The following PMS1 variants were observed in gnomAD, a reference collection of about 807,000 sequenced individuals.
PMS1 encodes the protein PMS1 homolog 1, mismatch repair system component.
In PMS1, 79 loss-of-function variants were observed where a neutral mutation model predicts 93.1. That is an observed-to-expected ratio of 0.85 (90% CI 0.71 to 1.02). The LOEUF (loss-of-function observed/expected upper bound fraction) is 1.02, where lower values mean the gene tolerates loss of function less well. PMS1 is among the 50% of genes least tolerant of loss of function. The pLI is 0.00. For missense variants in PMS1, 1,064 were observed against 1,085.3 expected (o/e 0.98, Z 0.28); for synonymous variants, 335 against 363.4 (o/e 0.92, Z 0.89).
At chr2:189,804,351 G>C (rs2050151204) in intron 3 of PMS1, among the ~76,000 whole-genome samples, 1 of 152,144 alleles carries the variant, frequency 6.6e-6, no homozygotes, top group Admixed American at 6.6e-5. Context: ...AGCACTTTCT[G>C]TCCTCTAAAT....
Position 189,791,836 on chromosome 2 carries a change from TC to T in PMS1, c.28del (p.Arg10AspfsTer16). 6.2e-7 allele frequency: 1 copy of T among 1,614,052 alleles called. No individual in the cohort carries two copies. Among genetic ancestry groups the T allele is most frequent in the East Asian group, 2.2e-5 (1 of 44,874 alleles). ...TGAAACAATTGCCTGCGGCAACAGTTCGACTCCTTTCAAGTTCTCAGATCAT... is the reference window on the plus strand; with the variant it reads ...TGAAACAATTGCCTGCGGCAACAGTTGACTCCTTTCAAGTTCTCAGATCAT... Reference protein sequence around the residue: MKQLPAATVRLLSSSQIITS... With the variant: MKQLPAATVXLLSSSQIITS... On this transcript the variant is annotated frameshift_variant, in exon 2 of 13. Coordinates refer to ENST00000441310, the MANE Select transcript of PMS1 (RefSeq NM_000534.5). LOFTEE classifies it high-confidence loss of function.
intron 5 of PMS1, among the ~76,000 whole-genome samples, chr2:189,820,745 T>C (rs2051779597): frequency 6.6e-6 from 1 of 152,216 alleles, no homozygotes; most frequent in African/African-American, 2.4e-5. Flanking sequence ...TCAGAGCAAC[T>C]AATGGAATTG....
chr2:189,791,764 T>C, intron 1 of PMS1, 26 bp from the exon 2 acceptor site: 1 of 1,592,706 alleles, frequency 6.3e-7, no homozygotes, highest in Non-Finnish European at 8.6e-7. Context: ...TTAACAATTC[T>C]TACAAGTTGC....
intron 10 of PMS1, among the ~76,000 whole-genome samples, chr2:189,867,280 C>T (rs2056748668): frequency 6.6e-6 from 1 of 152,178 alleles, no homozygotes; most frequent in Non-Finnish European, 1.5e-5. Context: ...TTGCACCACT[C>T]AGAATCATTT....
At chr2:189,796,635 G>A (rs2049383377) in intron 3 of PMS1, among the ~76,000 whole-genome samples, 1 of 152,042 alleles carries the variant, frequency 6.6e-6, no homozygotes, top group African/African-American at 2.4e-5. Context: ...TTGTTCTTTT[G>A]TATCTGGCCT....
At chr2:189,868,536 T>C (rs2056868179) in intron 11 of PMS1, among the ~76,000 whole-genome samples, 1 of 152,222 alleles carries the variant, frequency 6.6e-6, no homozygotes, top group Non-Finnish European at 1.5e-5. Flanking sequence ...CATACTCAAC[T>C]GCCTTCTGCC....
intron 5 of PMS1, among the ~76,000 whole-genome samples, chr2:189,819,817 T>C (rs2051670830): frequency 6.6e-6 from 1 of 152,232 alleles, no homozygotes; most frequent in Non-Finnish European, 1.5e-5. Flanking sequence ...CTGCAGGCTG[T>C]CTGTTCACTC....
At chr2:189,817,983 A>G in intron 4 of PMS1, 34 bp from the exon 5 acceptor site, 2 of 1,534,214 alleles carry the variant, frequency 1.3e-6, no homozygotes, top group Non-Finnish European at 1.8e-6. Flanking sequence ...GTTCCTTCCA[A>G]ATCTAAATGT....
intron 5 of PMS1, among the ~76,000 whole-genome samples, chr2:189,828,341 G>T (rs992129379): frequency 6.6e-6 from 1 of 152,190 alleles, no homozygotes; most frequent in Admixed American, 6.5e-5. Context: ...ACAAAGAAAT[G>T]AGAAATGTTT....
chr2:189,802,418 G>A (rs1290460230), intron 3 of PMS1, among the ~76,000 whole-genome samples: 3 of 152,146 alleles, frequency 2.0e-5, no homozygotes, highest in Non-Finnish European at 4.4e-5. Flanking sequence ...AGTGGAAGCT[G>A]TTCATTAAGT....
At chr2:189,822,998 TACTTTGGGCTGGTGGGAA>T (rs1480691268) in intron 5 of PMS1, among the ~76,000 whole-genome samples, 1 of 152,210 alleles carries the variant, frequency 6.6e-6, no homozygotes, top group African/African-American at 2.4e-5. Context: ...TCTACGAGAT[TACTTTGGGCTGGTGGGAA>T]ATGCTGTGAA....
At chr2:189,812,727 A>G (rs1210296731) in intron 4 of PMS1, among the ~76,000 whole-genome samples, 1 of 152,192 alleles carries the variant, frequency 6.6e-6, no homozygotes, top group Non-Finnish European at 1.5e-5. Context: ...TAATTTAAGA[A>G]TATATGTTAT....
At chr2:189,821,830 A>G (rs2051920667) in intron 5 of PMS1, among the ~76,000 whole-genome samples, 1 of 152,190 alleles carries the variant, frequency 6.6e-6, no homozygotes, top group Non-Finnish European at 1.5e-5. Flanking sequence ...TAAATAAATA[A>G]TAGGTAAAAA....
chr2:189,845,448 T>G (rs2054173980), intron 6 of PMS1, among the ~76,000 whole-genome samples: 1 of 152,196 alleles, frequency 6.6e-6, no homozygotes, highest in African/African-American at 2.4e-5. Context: ...ATGTAGTTTT[T>G]CGCTTTTTCT....
At chr2:189,808,894 A>C (rs1006776282) in intron 4 of PMS1, among the ~76,000 whole-genome samples, 2 of 152,210 alleles carry the variant, frequency 1.3e-5, no homozygotes, top group African/African-American at 4.8e-5. Flanking sequence ...CTTTAGTCCT[A>C]TCATTTTCTG....
intron 12 of PMS1, 39 bp from the exon 13 acceptor site, chr2:189,877,233 G>C (rs775369064): frequency 1.2e-5 from 18 of 1,559,420 alleles, no homozygotes; most frequent in Non-Finnish European, 1.4e-5. Flanking sequence ...CAGCTTCAGG[G>C]TATATCATGG....
In PMS1 at chr2:189,877,373, T is replaced by G. The variant is rs2057664108; in HGVS notation, c.2736T>G (p.Ile912Met). The change falls in exon 13 of 13, where the codon ATT (isoleucine) becomes ATG (methionine). Residue 912 changes from isoleucine (I) to methionine (M), a missense_variant. Ile to Met is a conservative substitution (Grantham distance 10). Transcript: ENST00000441310. ...YRMKHQFGNE[I>M]KECVHGRPFF... is the part of the protein sequence containing the mutation. The stretch of plus-strand genomic sequence containing the variant: ...TGAAGCACCAGTTTGGAAATGAAAT[T>G]AAAGAGTGTGTTCATGGTCGCCCAT... 3 of 1,613,202 alleles carry G rather than the reference T, an allele frequency of 1.9e-6. No homozygotes were observed. Among genetic ancestry groups the G allele is most frequent in the African/African-American group, 1.3e-5 (1 of 74,910 alleles).
intron 11 of PMS1, among the ~76,000 whole-genome samples, chr2:189,871,174 G>A (rs537601814): frequency 6.6e-6 from 1 of 152,234 alleles, no homozygotes; most frequent in Non-Finnish European, 1.5e-5. Context: ...GTGATGACCT[G>A]GGTCATCACT....
intron 6 of PMS1, 61 bp downstream of exon 6, chr2:189,844,141 C>G: frequency 1.2e-6 from 2 of 1,607,058 alleles, no homozygotes; most frequent in South Asian, 2.2e-5. Flanking sequence ...TCACATATTT[C>G]CCTTTGGGGG....
Sources: gnomAD v4.1 joint callset for allele counts (sites outside exome capture counted in the v4.1 genomes callset) on GRCh38, gnomAD v4.1.1 for gene constraint, MANE v1.5 for transcripts, NCBI Gene and HGNC (gene_info 2026-07-23, HGNC 2026-07-21) for gene names.